Variants in PRKAG2 observed in about 807,000 individuals in gnomAD.
PRKAG2 encodes 5'-AMP-activated protein kinase subunit gamma-2.
A neutral mutation model predicts 69.6 loss-of-function variants in PRKAG2; 26 were observed. The ratio of observed to expected loss-of-function variants is 0.37; its 90% confidence interval spans 0.27 to 0.52. The LOEUF (loss-of-function observed/expected upper bound fraction) is 0.52, where lower values mean the gene tolerates loss of function less well. Ranked by LOEUF, PRKAG2 falls within the 20% of genes least tolerant of loss-of-function variation. PRKAG2 has a pLI of 0.90. For synonymous variants in PRKAG2, 293 were observed against 285.0 expected (o/e 1.03, Z -0.28); for missense variants, 557 against 740.0 (o/e 0.75, Z 2.87).
intron 5 of PRKAG2, among the ~76,000 whole-genome samples, chr7:151,599,322 A>G (rs1415053891): frequency 1.3e-5 from 2 of 152,090 alleles, no homozygotes; most frequent in Non-Finnish European, 1.5e-5. Flanking sequence ...TTTGCACCCC[A>G]GAACCCTCAA....
chr7:151,793,690 T>C (rs1038483568), intron 1 of PRKAG2, among the ~76,000 whole-genome samples: 1 of 152,180 alleles, frequency 6.6e-6, no homozygotes, highest in African/African-American at 2.4e-5. Context: ...GGCAGGCCCC[T>C]CTGCTGGGAG....
intron 3 of PRKAG2, among the ~76,000 whole-genome samples, chr7:151,702,402 G>A (rs183719577): frequency 3.3e-5 from 5 of 152,214 alleles, no homozygotes; most frequent in Non-Finnish European, 7.4e-5. Flanking sequence ...CGGAGCTTTC[G>A]TCCATGCTGA....
intron 3 of PRKAG2, among the ~76,000 whole-genome samples, chr7:151,722,186 A>G (rs928659426): frequency 1.3e-5 from 2 of 152,120 alleles, no homozygotes; most frequent in Non-Finnish European, 2.9e-5. Flanking sequence ...ATTCTTTACA[A>G]TGCAGGTGTA....
chr7:151,754,758 G>C (rs1481285506), intron 3 of PRKAG2, among the ~76,000 whole-genome samples: 1 of 133,130 alleles, frequency 7.5e-6, no homozygotes, highest in African/African-American at 2.8e-5. Context: ...CCCTAACTTC[G>C]AGTACCTCAC....
At chr7:151,631,866 C>T in intron 5 of PRKAG2, 1 of 506,262 alleles carries the variant, frequency 2.0e-6, no homozygotes, top group South Asian at 1.7e-5. Context: ...CGCGTCCCCT[C>T]CGCGGACGCC....
chr7:151,623,899 T>C (rs1473612272), intron 5 of PRKAG2, among the ~76,000 whole-genome samples: 1 of 152,060 alleles, frequency 6.6e-6, no homozygotes, highest in Non-Finnish European at 1.5e-5. Context: ...CGTCTTACAA[T>C]GCGCATGTGT....
At chr7:151,671,348 C>A (rs1832013219) in intron 4 of PRKAG2, among the ~76,000 whole-genome samples, 1 of 152,036 alleles carries the variant, frequency 6.6e-6, no homozygotes, top group Admixed American at 6.6e-5. Flanking sequence ...AAATTACATC[C>A]AAATATTTTC....
chr7:151,833,338 G>A (rs1054288980), intron 1 of PRKAG2, among the ~76,000 whole-genome samples: 3 of 152,132 alleles, frequency 2.0e-5, no homozygotes, highest in African/African-American at 7.2e-5. Flanking sequence ...CAGCGGGAAG[G>A]GTTCTCATCC....
intron 4 of PRKAG2, among the ~76,000 whole-genome samples, chr7:151,643,450 T>C (rs1472137867): frequency 6.6e-6 from 1 of 152,252 alleles, no homozygotes; most frequent in Non-Finnish European, 1.5e-5. Context: ...TAACTGTTTT[T>C]CAGCCCCTTT....
chr7:151,734,845 A>ATT (rs1799504256), intron 3 of PRKAG2, among the ~76,000 whole-genome samples: 2 of 122,966 alleles, frequency 1.6e-5, no homozygotes, highest in African/African-American at 6.8e-5. Flanking sequence ...CCTAAATCTG[A>ATT]TTCTTTTTTT....
intron 1 of PRKAG2, among the ~76,000 whole-genome samples, chr7:151,792,170 G>A (rs2077297736): frequency 6.6e-6 from 1 of 152,188 alleles, no homozygotes; most frequent in South Asian, 2.1e-4. Context: ...GGCACAGTGT[G>A]ACCTCAGGGG....
intron 1 of PRKAG2, among the ~76,000 whole-genome samples, chr7:151,863,928 A>G (rs949446761): frequency 2.0e-5 from 3 of 150,030 alleles, no homozygotes; most frequent in Non-Finnish European, 4.4e-5. Context: ...GGAACCAAGA[A>G]CCAAATATGT....
rs1461649654 is a variant in PRKAG2, at chr7:151,715,347, A to AAATT, written c.467-39711_467-39710insAATT. On this transcript the variant is annotated intron_variant, in intron 3 of 15. Transcript: ENST00000287878. Reference sequence around the variant, plus strand: ...CAAAAAAAAAAAAAAAAAAAAAAAAAATTATTATTATTTTTTTTGAGACAG... The same window carrying AAATT: ...CAAAAAAAAAAAAAAAAAAAAAAAAAAATTATTATTATTATTTTTTTTGAGACAG... Among the ~76,000 whole-genome samples, 373 of 136,642 alleles carry AAATT rather than the reference A, an allele frequency of 2.7e-3. 2 individuals are homozygous for AAATT. The highest frequency in any genetic ancestry group is 4.4e-3 in the Non-Finnish European group (282 of 63,936). 89.6% of individuals were successfully genotyped at this position (136,642 alleles called of 152,430 possible).
chr7:151,706,357 T>C (rs1198042098), intron 3 of PRKAG2, among the ~76,000 whole-genome samples: 1 of 152,238 alleles, frequency 6.6e-6, no homozygotes, highest in African/African-American at 2.4e-5. Flanking sequence ...AGCCCAGGAC[T>C]GGGAGGTCAG....
intron 1 of PRKAG2, among the ~76,000 whole-genome samples, chr7:151,866,208 G>A (rs944398941): frequency 1.3e-5 from 2 of 152,086 alleles, no homozygotes; most frequent in Non-Finnish European, 2.9e-5. Flanking sequence ...TGGGCCCACC[G>A]TCCAGCCTCA....
chr7:151,574,885 A>T lies in PRKAG2; in HGVS notation c.1005+6T>A. On this transcript the variant is annotated splice_donor_region_variant and intron_variant, in intron 8 of 15. Transcript: ENST00000287878. ...AACTACTGACATAGGAACTGGTGCC[A>T]CTTACCATAGGTGATTTATAGTATC... The T allele has an allele frequency of 6.2e-7, 1 of 1,613,668 alleles. No individual in the cohort carries two copies. Among genetic ancestry groups the T allele is most frequent in the South Asian group, 1.1e-5 (1 of 91,080 alleles).
At chr7:151,766,777 C>CCGG (rs776457381) in intron 3 of PRKAG2, among the ~76,000 whole-genome samples, 7 of 152,386 alleles carry the variant, frequency 4.6e-5, no homozygotes, top group Non-Finnish European at 7.3e-5. Flanking sequence ...CCGAGCCAGT[C>CCGG]CGGCCTACCA....
intron 1 of PRKAG2, chr7:151,806,970 G>A: frequency 2.2e-6 from 1 of 455,252 alleles, no homozygotes. Flanking sequence ...GCCTCCTAAT[G>A]TACTCATTTA....
chr7:151,713,634 G>A (rs1795672260), intron 3 of PRKAG2, among the ~76,000 whole-genome samples: 1 of 150,768 alleles, frequency 6.6e-6, no homozygotes, highest in Admixed American at 6.6e-5. Context: ...GCCCAGGCCG[G>A]AGTGCAGTGG....
Sources: gnomAD v4.1 joint callset for allele counts (sites outside exome capture counted in the v4.1 genomes callset) on GRCh38, gnomAD v4.1.1 for gene constraint, MANE v1.5 for transcripts, NCBI Gene and HGNC (gene_info 2026-07-23, HGNC 2026-07-21) for gene names.